C5AR1: variants seen among roughly 807,000 people sequenced by gnomAD.
C5AR1 encodes the protein complement C5a receptor 1, also known as C5a anaphylatoxin chemotactic receptor 1.
C5AR1 carries 4 observed loss-of-function variants against 2.4 expected under a neutral mutation model. The observed-to-expected ratio is 1.65, with a 90% confidence interval of 0.81 to 3.77. The LOEUF (loss-of-function observed/expected upper bound fraction) is 3.77. Among genes scored for constraint, C5AR1 ranks in the 30% most tolerant of loss-of-function variants. C5AR1 has a pLI of 0.01. For missense variants in C5AR1, 418 were observed against 462.5 expected (o/e 0.90, Z 0.88); for synonymous variants, 209 against 210.4 (o/e 0.99, Z 0.06).
At chr19:47,319,002 C>T (rs2059299057) in intron 1 of C5AR1, among the ~76,000 whole-genome samples, 1 of 149,900 alleles carries the variant, frequency 6.7e-6, no homozygotes, top group East Asian at 2.0e-4. Context: ...TCTTCTGCCT[C>T]AGCCTCCCAA....
Position 47,320,636 on chromosome 19 carries a change from T to C in C5AR1, c.859T>C (p.Ser287Pro). The C allele has an allele frequency of 5.0e-6, 8 of 1,614,102 alleles. No individual in the cohort carries two copies. Among genetic ancestry groups the C allele is most frequent in the Non-Finnish European group, 6.8e-6 (8 of 1,180,000 alleles). ...GAAGAAGCTGGACTCCCTGTGTGTC[T>C]CCTTTGCCTACATCAACTGCTGCAT... Reference protein sequence around the residue: ...LLKKLDSLCVSFAYINCCINP... With the variant: ...LLKKLDSLCVPFAYINCCINP... The change falls in exon 2 of 2, where the codon TCC (serine) becomes CCC (proline). Residue 287 changes from serine (S) to proline (P), a missense_variant. Coordinates refer to ENST00000355085, the MANE Select transcript of C5AR1 (RefSeq NM_001736.4). The surrounding 1 kb of genome is among the most constrained non-coding windows in gnomAD (Gnocchi z 4.9).
At chr19:47,311,713 C>T (rs1218613350) in intron 1 of C5AR1, among the ~76,000 whole-genome samples, 2 of 151,936 alleles carry the variant, frequency 1.3e-5, no homozygotes, top group Admixed American at 6.6e-5. Flanking sequence ...TACAGGCATG[C>T]GCCACCACGC....
chr19:47,320,754 A>G lies in C5AR1; in HGVS notation c.977A>G (p.Glu326Gly), dbSNP rs201394142. The G allele has an allele frequency of 1.9e-6, 3 of 1,614,110 alleles. No homozygotes were observed. Among genetic ancestry groups the G allele is most frequent in the Non-Finnish European group, 2.5e-6 (3 of 1,180,020 alleles). The change falls in exon 2 of 2, where the codon GAG (glutamate) becomes GGG (glycine). Residue 326 changes from glutamate to glycine, a missense_variant. By Grantham distance (98) the Glu-to-Gly change is moderately conservative (BLOSUM62 -2). Transcript: ENST00000355085. This position sits in a 1 kb window ranked among gnomAD's most constrained non-coding sequence, Gnocchi z 4.9. ...CTCCTCCGGAACGTGTTGACTGAAG[A>G]GTCCGTGGTTAGGGAGAGCAAGTCA... The part of the protein sequence containing the change: ...PSLLRNVLTE[E>G]SVVRESKSFT...
Position 47,320,056 on chromosome 19 carries a change from C to G in C5AR1, c.279C>G (p.Phe93Leu), listed in dbSNP as rs1260350564. 1 of 1,614,108 alleles carries G rather than the reference C, an allele frequency of 6.2e-7. No homozygotes were observed. The highest frequency in any genetic ancestry group is 1.3e-5 in the African/African-American group (1 of 74,964). ...FLSCLALPIL[F>L]TSIVQHHHWP... ...CCTGCCTGGCGCTGCCCATCTTGTT[C>G]ACGTCCATTGTACAGCATCACCACT... The change falls in exon 2 of 2, where the codon TTC becomes TTG. Residue 93 changes from phenylalanine to leucine, a missense_variant. Phe to Leu is a conservative substitution (Grantham distance 22). Coordinates refer to ENST00000355085, the MANE Select transcript of C5AR1 (RefSeq NM_001736.4). The surrounding 1 kb of genome is among the most constrained non-coding windows in gnomAD (Gnocchi z 4.9).
chr19:47,314,310 G>T (rs1339876740), intron 1 of C5AR1, among the ~76,000 whole-genome samples: 1 of 152,218 alleles, frequency 6.6e-6, no homozygotes, highest in Admixed American at 6.6e-5. Context: ...CCCCAGAGTG[G>T]CCCTGGACCT....
intron 1 of C5AR1, among the ~76,000 whole-genome samples, chr19:47,311,252 G>A (rs1481639194): frequency 2.6e-5 from 4 of 151,662 alleles, no homozygotes; most frequent in Non-Finnish European, 2.9e-5. Flanking sequence ...TGGCTCATGC[G>A]TGTAATCCCA....
In C5AR1 at chr19:47,319,791, A is replaced by G. The variant is rs1273808323; in HGVS notation, c.14A>G (p.Asn5Ser). The G allele has an allele frequency of 3.7e-6, 6 of 1,608,740 alleles. No individual in the cohort carries two copies. The highest frequency in any genetic ancestry group is 1.1e-5 in the South Asian group (1 of 90,876). The change falls in exon 2 of 2, where the codon AAT becomes AGT. Residue 5 changes from asparagine to serine, a missense_variant. Asn to Ser is a conservative substitution (Grantham distance 46). Coordinates refer to ENST00000355085, the MANE Select transcript of C5AR1 (RefSeq NM_001736.4). MDSF[N>S]YTTPDYGHYD... is the part of the protein sequence containing the mutation. ...TCCGATTCCCCTTAGGACTCCTTCA[A>G]TTATACCACCCCTGATTATGGGCAC... is the stretch of plus-strand genomic sequence containing the variant.
chr19:47,310,189 G>A (rs2059265558), intron 1 of C5AR1, among the ~76,000 whole-genome samples: 1 of 152,146 alleles, frequency 6.6e-6, no homozygotes, highest in African/African-American at 2.4e-5. Context: ...GGACCCTTGA[G>A]TTGGGTCTAG....
intron 1 of C5AR1, among the ~76,000 whole-genome samples, chr19:47,312,778 TC>T (rs2059274919): frequency 6.6e-6 from 1 of 151,930 alleles, no homozygotes; most frequent in Non-Finnish European, 1.5e-5. Context: ...ACTGAGGTCT[TC>T]CACCTCAGCC....
At chr19:47,310,400 C>A (rs909954915) in intron 1 of C5AR1, among the ~76,000 whole-genome samples, 1 of 152,050 alleles carries the variant, frequency 6.6e-6, no homozygotes, top group African/African-American at 2.4e-5. Context: ...AACAGGCCTT[C>A]CAGGCAGTGG....
At chr19:47,312,173 C>T (rs1479397205) in intron 1 of C5AR1, among the ~76,000 whole-genome samples, 1 of 152,162 alleles carries the variant, frequency 6.6e-6, no homozygotes, top group Non-Finnish European at 1.5e-5. Context: ...GTAACCTCCA[C>T]CTCCTGGGTT....
At chr19:47,318,840 C>T (rs1047486122) in intron 1 of C5AR1, among the ~76,000 whole-genome samples, 2 of 149,868 alleles carry the variant, frequency 1.3e-5, no homozygotes, top group African/African-American at 2.5e-5. Flanking sequence ...CAGCTTCCTT[C>T]AGCTCTGTCT....
In C5AR1 at chr19:47,320,071, G is replaced by C. The variant is rs550245599; in HGVS notation, c.294G>C (p.Gln98His). ...CCATCTTGTTCACGTCCATTGTACAGCATCACCACTGGCCCTTTGGCGGGG... is the reference window on the plus strand; with the variant it reads ...CCATCTTGTTCACGTCCATTGTACACCATCACCACTGGCCCTTTGGCGGGG... ...ALPILFTSIV[Q>H]HHHWPFGGAA... is the part of the protein sequence containing the mutation. Residue 98 changes from glutamine (Q) to histidine (H), a missense_variant, in exon 2 of 2, where the codon CAG becomes CAC. Physicochemically the swap from Gln to His is conservative, Grantham distance 24. Transcript: ENST00000355085. The surrounding 1 kb of genome is among the most constrained non-coding windows in gnomAD (Gnocchi z 4.9). The C allele has an allele frequency of 5.0e-6, 8 of 1,614,178 alleles. No individual in the cohort carries two copies. Among genetic ancestry groups the C allele is most frequent in the South Asian group, 1.1e-5 (1 of 91,086 alleles).
chr19:47,317,825 A>T (rs1466638765), intron 1 of C5AR1, among the ~76,000 whole-genome samples: 1 of 151,826 alleles, frequency 6.6e-6, no homozygotes, highest in East Asian at 1.9e-4. Flanking sequence ...TACTAAAAAT[A>T]CAAAAATTAG....
intron 1 of C5AR1, among the ~76,000 whole-genome samples, chr19:47,313,268 G>A (rs998977215): frequency 1.1e-4 from 17 of 151,660 alleles, no homozygotes; most frequent in Non-Finnish European, 1.9e-4. Context: ...GAGCCACCGC[G>A]CCTGGCGTCC....
At chr19:47,315,174 C>A (rs1466921042) in intron 1 of C5AR1, among the ~76,000 whole-genome samples, 1 of 152,198 alleles carries the variant, frequency 6.6e-6, no homozygotes, top group African/African-American at 2.4e-5. Flanking sequence ...TGAGCCACTG[C>A]ACCTGGCCAA....
rs1006754025 is a variant in C5AR1 at position 47,320,948 on chromosome 19, A to G, written c.*118A>G. 2.4e-6 allele frequency: 2 copies of G among 834,542 alleles called. No individual in the cohort carries two copies. 51.7% of individuals were successfully genotyped at this position (834,542 alleles called of 1,614,324 possible). A position where few individuals can be genotyped will look rare whatever the true frequency, so the allele number is the denominator to read the frequency against. The stretch of plus-strand genomic sequence containing the variant: ...TACCTTAGCTAACTAACTCTCCTCC[A>G]TGTTGCCTGTCTTTCCCAGACTTGT... On this transcript the variant is annotated 3_prime_UTR_variant, in exon 2 of 2. Transcript: ENST00000355085. This position sits in a 1 kb window ranked among gnomAD's most constrained non-coding sequence, Gnocchi z 4.9.
At chr19:47,317,550 G>A (rs1451951562) in intron 1 of C5AR1, among the ~76,000 whole-genome samples, 2 of 150,254 alleles carry the variant, frequency 1.3e-5, no homozygotes, top group Non-Finnish European at 3.0e-5. Flanking sequence ...GTTCAGGGAT[G>A]TGGATCTGAG....
intron 1 of C5AR1, among the ~76,000 whole-genome samples, chr19:47,312,375 C>G (rs538436064): frequency 6.6e-6 from 1 of 152,192 alleles, no homozygotes; most frequent in Non-Finnish European, 1.5e-5. Context: ...CGTGAGCCAT[C>G]GCACCCAGCC....
Sources: allele counts gnomAD v4.1 joint callset (sites outside exome capture counted in the v4.1 genomes callset), GRCh38; gene constraint gnomAD v4.1.1; non-coding constraint Gnocchi (gnomAD v3.1); transcripts MANE v1.5; gene names NCBI Gene and HGNC (gene_info 2026-07-23, HGNC 2026-07-21).